OPCML: variants seen among roughly 807,000 people sequenced by gnomAD.
The protein encoded by OPCML is opioid-binding protein/cell adhesion molecule.
In OPCML, 13 loss-of-function variants were observed where a neutral mutation model predicts 37.8. The observed-to-expected ratio is 0.34, with a 90% CI of 0.22 to 0.55. The LOEUF is 0.55. OPCML is among the 20% of genes least tolerant of loss of function. OPCML has a pLI of 0.91. For missense variants in OPCML, 341 were observed against 435.6 expected, an observed-to-expected ratio of 0.78 and a Z score of 1.93; for synonymous variants, 176 against 168.8, an observed-to-expected ratio of 1.04 and a Z score of -0.33.
At chr11:132,754,923 G>A (rs1413093847) in intron 2 of OPCML, among the ~76,000 whole-genome samples, 4 of 152,152 alleles carry the variant, frequency 2.6e-5, no homozygotes, top group Non-Finnish European at 4.4e-5. Context: ...GGGATGCATG[G>A]GAGGGAAAGA....
At chr11:133,381,953 A>C (rs573340825) in intron 1 of OPCML, among the ~76,000 whole-genome samples, 26 of 152,302 alleles carry the variant, frequency 1.7e-4, no homozygotes, top group African/African-American at 6.3e-4. Flanking sequence ...ATGGGAGCCC[A>C]CCTTCCAGCT....
intron 2 of OPCML, among the ~76,000 whole-genome samples, chr11:132,835,753 A>T (rs1940966705): frequency 6.6e-6 from 1 of 152,214 alleles, no homozygotes; most frequent in Admixed American, 6.5e-5. Flanking sequence ...ATTATGTCAA[A>T]GTCCAAGTGA....
intron 1 of OPCML, among the ~76,000 whole-genome samples, chr11:133,137,660 G>C (rs112162774): frequency 4.9e-4 from 74 of 152,304 alleles, no homozygotes; most frequent in African/African-American, 1.6e-3. Context: ...GGTCGCCTGA[G>C]ACAGGCCAAG....
intron 2 of OPCML, among the ~76,000 whole-genome samples, chr11:132,724,554 C>A (rs11827623): frequency 0.021 from 3,211 of 152,198 alleles, 98 homozygotes; most frequent in African/African-American, 0.074. Flanking sequence ...CCTGTCCTCC[C>A]CCCGCACCCC....
At chr11:133,376,626 G>A (rs1017257526) in intron 1 of OPCML, among the ~76,000 whole-genome samples, 2 of 152,170 alleles carry the variant, frequency 1.3e-5, no homozygotes, top group Non-Finnish European at 2.9e-5. Flanking sequence ...TATATGAACA[G>A]TGATGATTGC....
At chr11:132,962,771 G>A (rs1041828469) in intron 1 of OPCML, among the ~76,000 whole-genome samples, 1 of 152,100 alleles carries the variant, frequency 6.6e-6, no homozygotes, top group Non-Finnish European at 1.5e-5. Context: ...ATCCATTCAC[G>A]GGCAGGCACT....
At chr11:133,463,580 TA>T (rs2136990674) in intron 1 of OPCML, among the ~76,000 whole-genome samples, 1 of 152,210 alleles carries the variant, frequency 6.6e-6, no homozygotes, top group South Asian at 2.1e-4. Context: ...ACCTTTTAAT[TA>T]ACTAAATTTT....
intron 2 of OPCML, among the ~76,000 whole-genome samples, chr11:132,823,335 T>G (rs78754124): frequency 6.6e-6 from 1 of 152,142 alleles, no homozygotes; most frequent in Non-Finnish European, 1.5e-5. Context: ...TTCCCACTAA[T>G]GTATTTAGGA....
intron 2 of OPCML, among the ~76,000 whole-genome samples, chr11:132,716,320 G>T (rs1397637675): frequency 2.0e-5 from 3 of 152,204 alleles, no homozygotes; most frequent in Admixed American, 6.5e-5. Flanking sequence ...CTGCAGCGAA[G>T]ATAGTCCCTG....
intron 2 of OPCML, among the ~76,000 whole-genome samples, chr11:132,842,747 G>T (rs1424666495): frequency 6.6e-6 from 1 of 152,168 alleles, no homozygotes; most frequent in Non-Finnish European, 1.5e-5. Context: ...TAGACGCACT[G>T]CCAAAGCCAC....
At chr11:132,520,641 C>T (rs2137242699) in intron 4 of OPCML, among the ~76,000 whole-genome samples, 1 of 150,760 alleles carries the variant, frequency 6.6e-6, no homozygotes, top group African/African-American at 2.4e-5. Flanking sequence ...ACCCATCTCC[C>T]CCAATGGTGT....
rs2136426194 is a variant in OPCML at position 133,247,578 on chromosome 11, TTCTTTCATCTG to T, written c.61+284675_61+284685del. ...TTTCTTTCTTTCTTTCTTTCTTTCT[TTCTTTCATCTG>T]TCTTTCTTTCTTTCTTTCTTTCTTT... is the stretch of plus-strand genomic sequence containing the variant. On this transcript the variant is annotated intron_variant, in intron 1 of 7. Transcript: ENST00000524381. Among the ~76,000 whole-genome samples the T allele has an allele frequency of 3.4e-5, 5 of 146,564 alleles. No individual in the cohort carries two copies. The South Asian group carries it at 6.5e-4, about 19-fold the overall frequency.
intron 1 of OPCML, among the ~76,000 whole-genome samples, chr11:133,281,211 C>G (rs1208244074): frequency 6.6e-6 from 1 of 152,152 alleles, no homozygotes. Flanking sequence ...TTTGTCGCCT[C>G]CAAACCTCAT....
intron 1 of OPCML, among the ~76,000 whole-genome samples, chr11:132,991,310 T>C (rs1414063644): frequency 6.6e-6 from 1 of 152,216 alleles, no homozygotes; most frequent in East Asian, 1.9e-4. Context: ...ACTGGAAAGA[T>C]TGCCTGGATC....
chr11:132,471,135 A>G (rs1262021679), intron 4 of OPCML, among the ~76,000 whole-genome samples: 1 of 152,202 alleles, frequency 6.6e-6, no homozygotes, highest in Non-Finnish European at 1.5e-5. Context: ...ATTATTCAAT[A>G]CAGCCCTTGA....
intron 3 of OPCML, among the ~76,000 whole-genome samples, chr11:132,561,861 C>T (rs774726121): frequency 6.6e-6 from 1 of 152,196 alleles, no homozygotes; most frequent in Admixed American, 6.5e-5. Flanking sequence ...ATCCAGTTTG[C>T]AGCAGATTCA....
At chr11:132,879,622 A>G (rs1943150943) in intron 2 of OPCML, among the ~76,000 whole-genome samples, 1 of 151,620 alleles carries the variant, frequency 6.6e-6, no homozygotes, top group African/African-American at 2.4e-5. Flanking sequence ...GAGAATAACA[A>G]AGTTTGGTGT....
chr11:132,484,947 T>C (rs2096194595), intron 4 of OPCML, among the ~76,000 whole-genome samples: 2 of 152,276 alleles, frequency 1.3e-5, no homozygotes, highest in South Asian at 2.1e-4. Context: ...AGGGATAGCA[T>C]TGGGAGATAT....
At chr11:132,424,264 C>T (rs533340931) in intron 7 of OPCML, among the ~76,000 whole-genome samples, 9 of 152,026 alleles carry the variant, frequency 5.9e-5, no homozygotes, top group African/African-American at 1.7e-4. Context: ...GGACTACAGA[C>T]GCCTGCCACC....
Sources: gnomAD v4.1 joint callset for allele counts (sites outside exome capture counted in the v4.1 genomes callset) on GRCh38, gnomAD v4.1.1 for gene constraint, MANE v1.5 for transcripts, NCBI Gene and HGNC (gene_info 2026-07-23, HGNC 2026-07-21) for gene names.